Variants in DNAI4 observed in about 807,000 individuals in gnomAD.
DNAI4 encodes the protein WD repeat domain 78.
A neutral mutation model predicts 105.8 loss-of-function variants in DNAI4; 85 were observed. That is an observed-to-expected ratio of 0.80 (90% confidence interval 0.67 to 0.96). DNAI4 has a LOEUF of 0.96. Among genes scored for constraint, DNAI4 ranks in the 40% least tolerant of loss-of-function variants. The probability of loss-of-function intolerance (pLI) is 0.00; values close to 1 mark genes in which losing one functional copy is unlikely to be tolerated. For missense variants in DNAI4, 1,014 were observed against 1,005.6 expected (o/e 1.01, Z -0.11); for synonymous variants, 352 against 331.5 (o/e 1.06, Z -0.67).
chr1:66,822,276 AG>A, intron 16 of DNAI4, 84 bp downstream of exon 16: 1 of 1,233,172 alleles, frequency 8.1e-7, no homozygotes, highest in South Asian at 1.9e-5. Context: ...TAAGATATTG[AG>A]AAATGTAAAT....
chr1:66,850,337 G>A (rs1160995956), intron 7 of DNAI4, among the ~76,000 whole-genome samples: 2 of 151,670 alleles, frequency 1.3e-5, no homozygotes, highest in African/African-American at 4.8e-5. Flanking sequence ...TTTCCTATGG[G>A]AATAATTCTA....
chr1:66,924,778 A>G lies in DNAI4; in HGVS notation c.54T>C (p.Ala18=). ...CGCCTCTGAAGTCCCTGTACCCCCAAGCTCCTCCGTTAGCGGCTCGGGCCG... is the reference window on the plus strand; with the variant it reads ...CGCCTCTGAAGTCCCTGTACCCCCAGGCTCCTCCGTTAGCGGCTCGGGCCG... ...GASARAANGG[A]WGYRDFRGGQ... The change falls in exon 1 of 17, where the codon GCT becomes GCC. Residue 18 remains alanine (A), a synonymous_variant. Transcript: ENST00000371026. 2 of 1,613,884 alleles carry G rather than the reference A, an allele frequency of 1.2e-6. No homozygotes were observed. The highest frequency in any genetic ancestry group is 1.7e-6 in the Non-Finnish European group (2 of 1,179,784).
chr1:66,904,804 A>T (rs920234498), intron 2 of DNAI4: 1 of 175,790 alleles, frequency 5.7e-6, no homozygotes, highest in African/African-American at 2.3e-5. Context: ...TCATTTGATT[A>T]AAAGTTTAAA....
At chr1:66,827,664 G>T (rs117515972) in intron 14 of DNAI4, 148 bp downstream of exon 14, 7 of 404,258 alleles carry the variant, frequency 1.7e-5, no homozygotes, top group Non-Finnish European at 2.3e-5. Flanking sequence ...CATTATTGGT[G>T]GTTTCCATAG....
intron 1 of DNAI4, chr1:66,921,126 GA>G (rs1471973521): frequency 2.0e-5 from 3 of 152,076 alleles, no homozygotes; most frequent in Non-Finnish European, 4.4e-5. Context: ...GGTTCTAATG[GA>G]AAAAATGGAT....
At chr1:66,901,449 T>C (rs939046844) in intron 2 of DNAI4, among the ~76,000 whole-genome samples, 10 of 152,226 alleles carry the variant, frequency 6.6e-5, no homozygotes, top group Non-Finnish European at 7.3e-5. Context: ...ATTTCTTCTT[T>C]AACTTACTGA....
intron 4 of DNAI4, among the ~76,000 whole-genome samples, chr1:66,881,065 A>G (rs1367707716): frequency 2.0e-5 from 3 of 152,240 alleles, no homozygotes; most frequent in African/African-American, 7.2e-5. Context: ...GAGTGCACAG[A>G]TGTCAAGAAC....
At chr1:66,837,364 CAAAA>C (rs529364212) in intron 10 of DNAI4, among the ~76,000 whole-genome samples, 1 of 82,560 alleles carries the variant, frequency 1.2e-5, no homozygotes, top group African/African-American at 4.5e-5. Context: ...GACTCTGTCT[CAAAA>C]AAAAAAAAAA....
intron 5 of DNAI4, among the ~76,000 whole-genome samples, chr1:66,873,252 T>A (rs1646888009): frequency 6.7e-6 from 1 of 149,926 alleles, no homozygotes; most frequent in Non-Finnish European, 1.5e-5. Flanking sequence ...TTTTTTTTTT[T>A]AGACATGGTC....
chr1:66,846,212 TAA>T (rs1293634541), intron 8 of DNAI4, among the ~76,000 whole-genome samples: 1 of 152,142 alleles, frequency 6.6e-6, no homozygotes, highest in Non-Finnish European at 1.5e-5. Flanking sequence ...TCTATATATA[TAA>T]GTGATAAAAA....
chr1:66,843,168 C>G (rs1450468434), intron 8 of DNAI4, among the ~76,000 whole-genome samples: 1 of 125,472 alleles, frequency 8.0e-6, no homozygotes, highest in Non-Finnish European at 1.6e-5. Context: ...CCACTGTACT[C>G]CAGCCTGGGT....
chr1:66,839,594 T>C (rs1269329501), intron 9 of DNAI4, among the ~76,000 whole-genome samples: 5 of 152,218 alleles, frequency 3.3e-5, no homozygotes, highest in Admixed American at 3.3e-4. Context: ...ATATCAAAGA[T>C]ACTGCCATTG....
At chr1:66,858,295 C>T (rs1646545910) in intron 7 of DNAI4, among the ~76,000 whole-genome samples, 2 of 151,506 alleles carry the variant, frequency 1.3e-5, no homozygotes, top group Non-Finnish European at 2.9e-5. Flanking sequence ...TTTGGGAGGC[C>T]GAGGCCGGCA....
intron 11 of DNAI4, 114 bp from the exon 12 acceptor site, chr1:66,834,262 C>T (rs1406865605): frequency 1.2e-5 from 9 of 728,634 alleles, no homozygotes; most frequent in Non-Finnish European, 1.6e-5. Flanking sequence ...TTTATATAAT[C>T]CTTTTATTGT....
chr1:66,834,858 C>T (rs1645947201), intron 11 of DNAI4, among the ~76,000 whole-genome samples: 1 of 152,070 alleles, frequency 6.6e-6, no homozygotes, highest in Non-Finnish European at 1.5e-5. Flanking sequence ...TTCCCAGAAA[C>T]AAGCACAAAG....
intron 8 of DNAI4, among the ~76,000 whole-genome samples, chr1:66,845,216 T>TAAAAAAAAAA (rs1557918757): frequency 4.7e-5 from 1 of 21,108 alleles, no homozygotes; most frequent in East Asian, 7.1e-4. Context: ...AAAAGAAAAA[T>TAAAAAAAAAA]TAAAAAAAAA....
At chr1:66,848,227 C>A (rs1470692839) in intron 7 of DNAI4, 1 of 456,230 alleles carries the variant, frequency 2.2e-6, no homozygotes. Flanking sequence ...GCCACCACAA[C>A]CTTTCCTTCA....
At chr1:66,863,266 A>G (rs1180985332) in intron 6 of DNAI4, among the ~76,000 whole-genome samples, 2 of 152,186 alleles carry the variant, frequency 1.3e-5, no homozygotes. Flanking sequence ...AAATTTACCA[A>G]TTTTTCAGTT....
intron 8 of DNAI4, among the ~76,000 whole-genome samples, chr1:66,845,190 C>CAAAAAAAAA (rs59265844): frequency 2.7e-4 from 29 of 106,298 alleles, no homozygotes; most frequent in East Asian, 7.4e-4. Context: ...AACTCCATCT[C>CAAAAAAAAA]AAAAAAAAAA....
Sources: allele counts gnomAD v4.1 joint callset (sites outside exome capture counted in the v4.1 genomes callset), GRCh38; gene constraint gnomAD v4.1.1; transcripts MANE v1.5; gene names NCBI Gene and HGNC (gene_info 2026-07-23, HGNC 2026-07-21).